DUSP18: variants seen among roughly 807,000 people sequenced by gnomAD.
The protein encoded by DUSP18 is dual specificity protein phosphatase 18.
A neutral mutation model predicts 6.3 loss-of-function variants in DUSP18; 4 were observed. The observed-to-expected ratio is 0.63, with a 90% confidence interval of 0.31 to 1.45. DUSP18 has a LOEUF of 1.45. Ranked by LOEUF, DUSP18 falls within the 40% of genes most tolerant of loss-of-function variation. DUSP18 has a pLI of 0.07. For synonymous variants in DUSP18, 96 were observed against 95.1 expected (o/e 1.01, Z -0.05); for missense variants, 235 against 247.7 (o/e 0.95, Z 0.34).
chr22:30,658,196 G>A (rs1447825278), downstream of DUSP18, among the ~76,000 whole-genome samples: 7 of 151,464 alleles, frequency 4.6e-5, no homozygotes, highest in African/African-American at 1.7e-4. Context: ...TCTCCCACTG[G>A]CTGCAACTAA....
intron 2 of DUSP18, among the ~76,000 whole-genome samples, chr22:30,655,746 G>A (rs1469203425): frequency 2.0e-5 from 3 of 151,988 alleles, no homozygotes; most frequent in African/African-American, 7.2e-5. Context: ...TCTTATGCAC[G>A]GATGGCATTG....
At chr22:30,658,979 C>CTAGG (rs763114961), downstream of DUSP18, among the ~76,000 whole-genome samples, 6 of 152,098 alleles carry the variant, frequency 3.9e-5, 1 homozygote, top group South Asian at 8.3e-4. Context: ...CGCATCTCTA[C>CTAGG]TAGGCATGGT....
chr22:30,657,895 C>G (rs897847937), downstream of DUSP18, among the ~76,000 whole-genome samples: 1 of 142,674 alleles, frequency 7.0e-6, no homozygotes, highest in African/African-American at 2.6e-5. Context: ...CAGTGCAAGA[C>G]TCTGTCTCAA....
At chr22:30,655,429 C>CTAAAAAAAAAAAAAAA (rs1389184839) in intron 2 of DUSP18, among the ~76,000 whole-genome samples, 1 of 111,676 alleles carries the variant, frequency 9.0e-6, no homozygotes, top group Non-Finnish European at 1.8e-5. Context: ...GAGATCCTAC[C>CTAAAAAAAAAAAAAAA]AAAAAAAAAA....
chr22:30,654,868 G>A, intron 2 of DUSP18: 1 of 180,702 alleles, frequency 5.5e-6, no homozygotes. Flanking sequence ...AACAGGGAAG[G>A]GCATGGGGCC....
chr22:30,655,319 T>C (rs1448465740), intron 2 of DUSP18, among the ~76,000 whole-genome samples: 1 of 143,322 alleles, frequency 7.0e-6, no homozygotes, highest in Non-Finnish European at 1.5e-5. Flanking sequence ...TAGCCAAGTA[T>C]GGTGGTGCAC....
downstream of DUSP18, among the ~76,000 whole-genome samples, chr22:30,656,972 A>G (rs1602093063): frequency 6.6e-6 from 1 of 152,164 alleles, no homozygotes; most frequent in East Asian, 1.9e-4. Context: ...AATATAAAGT[A>G]ATTAAAACTT....
At chr22:30,660,314 T>C (rs2088431799), downstream of DUSP18, among the ~76,000 whole-genome samples, 1 of 151,676 alleles carries the variant, frequency 6.6e-6, no homozygotes, top group African/African-American at 2.4e-5. Flanking sequence ...GAAAAAAATT[T>C]TTTTTTTGAA....
intron 1 of DUSP18, among the ~76,000 whole-genome samples, chr22:30,664,640 T>A (rs1168222473): frequency 6.6e-6 from 1 of 152,232 alleles, no homozygotes; most frequent in East Asian, 1.9e-4. Flanking sequence ...GAGGCTGGTA[T>A]AAGAGTAGGG....
intron 1 of DUSP18, chr22:30,665,457 C>A (rs755744116): frequency 1.1e-5 from 5 of 463,652 alleles, no homozygotes; most frequent in South Asian, 7.9e-5. Context: ...TTTGCCCCTG[C>A]TGATCTCTCA....
At chr22:30,666,693 T>TA (rs1399024566) in intron 1 of DUSP18, 9 of 145,728 alleles carry the variant, frequency 6.2e-5, no homozygotes, top group Non-Finnish European at 1.0e-4. Flanking sequence ...TACTGAAATG[T>TA]ACAAGACAGG....
Position 30,662,163 on chromosome 22 carries a change from AAG to A in DUSP18, c.*1272_*1273del, listed in dbSNP as rs1202217104. 6.6e-6 allele frequency: 1 copy of A among 152,150 alleles called. No homozygotes were observed. The highest frequency in any genetic ancestry group is 2.4e-5 in the African/African-American group (1 of 41,422). 9.4% of individuals were successfully genotyped at this position (152,150 alleles called of 1,614,324 possible). On this transcript the variant is annotated 3_prime_UTR_variant, in exon 2 of 2. Coordinates refer to ENST00000334679, the MANE Select transcript of DUSP18 (RefSeq NM_152511.5). ...TGCCGACCTGGGACCAGCAGGGTGA[AAG>A]AGTCTATCATTCATGATGAGAGCTG... is the stretch of plus-strand genomic sequence containing the variant.
chr22:30,661,681 T>C lies in DUSP18; in HGVS notation c.*1756A>G, dbSNP rs2088473794. The C allele has an allele frequency of 6.6e-6, 1 of 152,220 alleles. No homozygotes were observed. Among genetic ancestry groups the C allele is most frequent in the Non-Finnish European group, 1.5e-5 (1 of 68,038 alleles). The allele number at this position is 152,220 out of a possible 1,614,324, so 9.4% of individuals were successfully genotyped here. A position where few individuals can be genotyped will look rare whatever the true frequency, so the allele number is the denominator to read the frequency against. ...CAAACAGAGCAGCTGTGCTTTTGTT[T>C]CAAATGCTGTTTGCTGAAAACCTCT... On this transcript the variant is annotated 3_prime_UTR_variant, in exon 2 of 2. Coordinates refer to ENST00000334679, the MANE Select transcript of DUSP18 (RefSeq NM_152511.5).
chr22:30,662,789 A>G lies in DUSP18; in HGVS notation c.*648T>C, dbSNP rs1313547421. 1.3e-5 allele frequency: 2 copies of G among 152,340 alleles called. No homozygotes were observed. Among genetic ancestry groups the G allele is most frequent in the Non-Finnish European group, 2.9e-5 (2 of 68,172 alleles). 9.4% of individuals were successfully genotyped at this position (152,340 alleles called of 1,614,324 possible). A position where few individuals can be genotyped will look rare whatever the true frequency, so the allele number is the denominator to read the frequency against. ...GGCTACAGTGAGCCATGATCACACT[A>G]CTGCACTCTAGGATGGGTGACAGAG... On this transcript the variant is annotated 3_prime_UTR_variant, in exon 2 of 2. Coordinates refer to ENST00000334679, the MANE Select transcript of DUSP18 (RefSeq NM_152511.5).
chr22:30,658,175 A>G (rs1013034567), downstream of DUSP18, among the ~76,000 whole-genome samples: 1 of 151,902 alleles, frequency 6.6e-6, no homozygotes, highest in Admixed American at 6.6e-5. Flanking sequence ...AGATAGAGTA[A>G]GCAGTCTGTC....
downstream of DUSP18, among the ~76,000 whole-genome samples, chr22:30,659,889 G>C (rs2088424352): frequency 6.6e-6 from 1 of 152,178 alleles, no homozygotes; most frequent in Non-Finnish European, 1.5e-5. Flanking sequence ...GGAAAAGTTA[G>C]AAGTATTTAA....
rs768116973 is a variant in DUSP18, at chr22:30,663,890, CTTG to C, written c.111_113del (p.Asn37del). On this transcript the variant is annotated inframe_deletion, in exon 2 of 2. Transcript: ENST00000334679. ...TGATCTGGTTGCTAGACAGCATGAG[CTTG>C]TTGTTGGCGGCCACACCATTGCTGA... The C allele has an allele frequency of 6.2e-6, 10 of 1,614,092 alleles. No homozygotes were observed. Among genetic ancestry groups the C allele is most frequent in the Non-Finnish European group, 8.5e-6 (10 of 1,180,046 alleles).
chr22:30,663,873 T>A lies in DUSP18; in HGVS notation c.131A>T (p.Asn44Ile). 1 of 1,614,206 alleles carries A rather than the reference T, an allele frequency of 6.2e-7. No individual in the cohort carries two copies. Among genetic ancestry groups the A allele is most frequent in the Non-Finnish European group, 8.5e-7 (1 of 1,180,044 alleles). The change falls in exon 2 of 2, where the codon AAC (asparagine) becomes ATC (isoleucine). Residue 44 changes from asparagine (N) to isoleucine (I), a missense_variant. Coordinates refer to ENST00000334679, the MANE Select transcript of DUSP18 (RefSeq NM_152511.5). ...GACATTGATGACCATGGTGATCTGG[T>A]TGCTAGACAGCATGAGCTTGTTGTT... ...AANNKLMLSS[N>I]QITMVINVSV...
At chr22:30,656,882 AG>A, downstream of DUSP18, among the ~76,000 whole-genome samples, 1 of 152,312 alleles carries the variant, frequency 6.6e-6, no homozygotes, top group South Asian at 2.1e-4. Flanking sequence ...TCGGAGGCTG[AG>A]GAGGAAGGAT....
Sources: allele counts gnomAD v4.1 joint callset (sites outside exome capture counted in the v4.1 genomes callset), GRCh38; gene constraint gnomAD v4.1.1; transcripts MANE v1.5; gene names NCBI Gene and HGNC (gene_info 2026-07-23, HGNC 2026-07-21).